The following CDH12 variants were observed in gnomAD, a reference collection of about 807,000 sequenced individuals.
CDH12 encodes the protein cadherin-12.
In CDH12, 41 loss-of-function variants were observed where a neutral mutation model predicts 74.1. The ratio of observed to expected loss-of-function variants is 0.55; its 90% CI spans 0.43 to 0.72. The LOEUF is 0.72. CDH12 is among the 30% of genes least tolerant of loss of function. The pLI is 0.00. For missense variants in CDH12, 945 were observed against 977.2 expected (o/e 0.97, Z 0.44); for synonymous variants, 399 against 355.0 (o/e 1.12, Z -1.39).
At chr5:21,841,707 C>A (rs532870403) in intron 8 of CDH12, among the ~76,000 whole-genome samples, 9 of 151,814 alleles carry the variant, frequency 5.9e-5, no homozygotes, top group East Asian at 3.9e-4. Flanking sequence ...TGTCCTTTGT[C>A]GGGACATGGA....
chr5:22,463,203 A>T (rs1745588593), intron 2 of CDH12, among the ~76,000 whole-genome samples: 1 of 152,200 alleles, frequency 6.6e-6, no homozygotes, highest in East Asian at 1.9e-4. Flanking sequence ...AATTAGCTGT[A>T]AATGAATACT....
intron 2 of CDH12, among the ~76,000 whole-genome samples, chr5:22,450,075 A>T (rs1368443625): frequency 6.6e-6 from 1 of 152,050 alleles, no homozygotes; most frequent in Non-Finnish European, 1.5e-5. Flanking sequence ...TACAGAAGAC[A>T]GTCTGTGGTA....
chr5:21,785,899 C>T lies in CDH12; in HGVS notation c.1257-2405G>A, dbSNP rs1009591279. 2.6e-5 allele frequency among the ~76,000 whole-genome samples: 4 copies of T among 152,140 alleles called. No homozygotes were observed. In the South Asian group the frequency reaches 8.3e-4, roughly 32 times the overall value. ...AGATTTTAAATGTATACAGAACAGC[C>T]TTCTATTGCAAGAAGATGCCATCAA... On this transcript the variant is annotated intron_variant, in intron 10 of 14. Transcript: ENST00000382254.
chr5:21,790,600 A>G (rs1448386420), intron 10 of CDH12, among the ~76,000 whole-genome samples: 2 of 152,092 alleles, frequency 1.3e-5, no homozygotes, highest in African/African-American at 4.8e-5. Context: ...CTTATGTTCT[A>G]TAAAATTTGG....
At chr5:21,795,627 C>T (rs569676525) in intron 10 of CDH12, among the ~76,000 whole-genome samples, 6 of 151,900 alleles carry the variant, frequency 3.9e-5, no homozygotes, top group South Asian at 2.1e-4. Flanking sequence ...ACATTTATAC[C>T]AATACTTCAT....
chr5:22,583,640 TCAGAACAAA>T (rs1740220169), intron 1 of CDH12, among the ~76,000 whole-genome samples: 1 of 151,948 alleles, frequency 6.6e-6, no homozygotes, highest in Non-Finnish European at 1.5e-5. Flanking sequence ...AAAACAAAAG[TCAGAACAAA>T]AAGGAACATG....
At position 22,528,997 on chromosome 5, in the gene CDH12, A is replaced by C. The variant is rs933826217; in HGVS notation, c.-522-23633T>G. On this transcript the variant is annotated intron_variant, in intron 1 of 14. Transcript: ENST00000382254. The stretch of plus-strand genomic sequence containing the variant: ...CTATATTAGGCAGGGTTCCCCAGGG[A>C]AACAGAACCAATAGAATGTGTGTCT... Among the ~76,000 whole-genome samples the C allele has an allele frequency of 2.7e-5, 3 of 110,292 alleles. 1 individual carries two copies. The Admixed American group carries it at 4.3e-4, about 16-fold the overall frequency. The allele number at this position is 110,292 out of a possible 152,430, so 72.4% of individuals were successfully genotyped here. A position where few individuals can be genotyped will look rare whatever the true frequency, so the allele number is the denominator to read the frequency against.
intron 2 of CDH12, among the ~76,000 whole-genome samples, chr5:22,462,623 A>G (rs759115263): frequency 6.6e-6 from 1 of 151,950 alleles, no homozygotes; most frequent in Non-Finnish European, 1.5e-5. Flanking sequence ...CTCTGGAGAC[A>G]GTAACATGAA....
intron 3 of CDH12, among the ~76,000 whole-genome samples, chr5:22,251,420 T>A (rs1315738327): frequency 6.6e-6 from 1 of 152,206 alleles, no homozygotes; most frequent in Non-Finnish European, 1.5e-5. Flanking sequence ...AACACCAGTG[T>A]ACACTGGAAT....
At chr5:21,975,738 C>T (rs961573271) in intron 5 of CDH12, among the ~76,000 whole-genome samples, 14 of 151,882 alleles carry the variant, frequency 9.2e-5, no homozygotes, top group Non-Finnish European at 1.9e-4. Context: ...TTACGAAGAT[C>T]AGAACAAAAG....
intron 3 of CDH12, among the ~76,000 whole-genome samples, chr5:22,280,947 T>C (rs1044138337): frequency 6.6e-6 from 1 of 152,154 alleles, no homozygotes; most frequent in Non-Finnish European, 1.5e-5. Context: ...CCAATATCCC[T>C]GTGGAATATC....
At chr5:22,558,675 A>C (rs1738909562) in intron 1 of CDH12, among the ~76,000 whole-genome samples, 1 of 152,076 alleles carries the variant, frequency 6.6e-6, no homozygotes, top group Admixed American at 6.6e-5. Context: ...AACTTAAGGA[A>C]ATGGTAAATT....
chr5:22,203,635 G>C (rs1243549326), intron 4 of CDH12, among the ~76,000 whole-genome samples: 1 of 152,094 alleles, frequency 6.6e-6, no homozygotes, highest in Non-Finnish European at 1.5e-5. Flanking sequence ...GGGATCATAT[G>C]GTAGTTCTAT....
chr5:21,927,549 C>T (rs1754643204), intron 6 of CDH12, among the ~76,000 whole-genome samples: 2 of 151,934 alleles, frequency 1.3e-5, no homozygotes, highest in Non-Finnish European at 2.9e-5. Context: ...CAAGATTGTG[C>T]CACTGCACTC....
At chr5:22,186,763 G>A (rs1332566886) in intron 4 of CDH12, among the ~76,000 whole-genome samples, 2 of 152,168 alleles carry the variant, frequency 1.3e-5, no homozygotes, top group East Asian at 3.9e-4. Context: ...GAGTCACTGA[G>A]CCTGGCCAGC....
chr5:22,299,346 A>T (rs929256062), intron 3 of CDH12, among the ~76,000 whole-genome samples: 4 of 152,144 alleles, frequency 2.6e-5, no homozygotes, highest in Non-Finnish European at 2.9e-5. Context: ...TGAATAAAAG[A>T]TGGGGAGTCA....
intron 6 of CDH12, among the ~76,000 whole-genome samples, chr5:21,959,752 CAAAAAAA>C (rs1176227757): frequency 0.015 from 1,184 of 80,792 alleles, 7 homozygotes; most frequent in South Asian, 0.026. Flanking sequence ...TACTAAAATC[CAAAAAAA>C]AAAAAAAAAA....
intron 1 of CDH12, among the ~76,000 whole-genome samples, chr5:22,523,583 T>C (rs955074505): frequency 6.6e-6 from 1 of 152,212 alleles, no homozygotes; most frequent in Non-Finnish European, 1.5e-5. Context: ...AGTGTCCTTT[T>C]TCTTATCTTA....
intron 5 of CDH12, among the ~76,000 whole-genome samples, chr5:22,039,987 A>G (rs1739455328): frequency 6.6e-6 from 1 of 152,088 alleles, no homozygotes; most frequent in Non-Finnish European, 1.5e-5. Flanking sequence ...CGCAAAGAAA[A>G]GGAAATTATG....
Sources: allele counts gnomAD v4.1 joint callset (sites outside exome capture counted in the v4.1 genomes callset), GRCh38; gene constraint gnomAD v4.1.1; transcripts MANE v1.5; gene names NCBI Gene and HGNC (gene_info 2026-07-23, HGNC 2026-07-21).